Variants in UBA6 observed in about 807,000 individuals in gnomAD.
The protein encoded by UBA6 is ubiquitin-like modifier-activating enzyme 6.
UBA6 carries 87 observed loss-of-function variants against 148.3 expected under a neutral mutation model. The observed-to-expected ratio is 0.59, with a 90% CI of 0.49 to 0.70. The LOEUF is 0.70. Among genes scored for constraint, UBA6 ranks in the 30% least tolerant of loss-of-function variants. UBA6 has a pLI of 0.00. For missense variants in UBA6, 1,186 were observed against 1,241.2 expected (o/e 0.96, Z 0.67); for synonymous variants, 376 against 401.0 (o/e 0.94, Z 0.75).
At chr4:67,637,600 T>G (rs1214587627) in intron 19 of UBA6, among the ~76,000 whole-genome samples, 1 of 108,622 alleles carries the variant, frequency 9.2e-6, no homozygotes, top group Non-Finnish European at 2.0e-5. Flanking sequence ...GAAAAATTCT[T>G]CTGCCTTGGG....
At position 67,632,058 on chromosome 4, in the gene UBA6, CCACCCTT is replaced by C. The variant is rs1410205972; in HGVS notation, c.2143-157_2143-151del. 2.1e-5 allele frequency: 14 copies of C among 681,726 alleles called. No individual in the cohort carries two copies. The African/African-American group carries it at 2.2e-4, about 11-fold the overall frequency. 42.2% of individuals were successfully genotyped at this position (681,726 alleles called of 1,614,324 possible). A position where few individuals can be genotyped will look rare whatever the true frequency, so the allele number is the denominator to read the frequency against. ...AAAGAGACACAGTGAAGTCTCCCTA[CCACCCTT>C]GTATTCCATCTGTCCATTCTCCTGT... On this transcript the variant is annotated intron_variant, in intron 23 of 32. Transcript: ENST00000322244.
intron 2 of UBA6, 97 bp downstream of exon 2, chr4:67,696,548 A>G (rs1012222004): frequency 1.1e-6 from 1 of 899,912 alleles, no homozygotes; most frequent in African/African-American, 1.7e-5. Flanking sequence ...CACACATATA[A>G]TTCTGCATAG....
At position 67,644,718 on chromosome 4, in the gene UBA6, T is replaced by C. The variant is rs1388408686; in HGVS notation, c.1456A>G (p.Thr486Ala). Residue 486 changes from threonine to alanine, a missense_variant, in exon 17 of 33, where the codon ACA becomes GCA. Physicochemically the swap from Thr to Ala is moderately conservative, Grantham distance 58. Coordinates refer to ENST00000322244, the MANE Select transcript of UBA6 (RefSeq NM_018227.6). ...LKNFALLGVG[T>A]SKEKGMITVT... Reference sequence around the variant, plus strand: ...CTTACCATTCCTTTCTCTTTGCTTGTGCCAACACCAAGTAAAGCAAAATTT... The same window carrying C: ...CTTACCATTCCTTTCTCTTTGCTTGCGCCAACACCAAGTAAAGCAAAATTT... The C allele has an allele frequency of 6.2e-7, 1 of 1,603,736 alleles. No homozygotes were observed. Among genetic ancestry groups the C allele is most frequent in the Non-Finnish European group, 8.5e-7 (1 of 1,170,818 alleles).
Position 67,665,271 on chromosome 4 carries a change from C to A in UBA6, c.815G>T (p.Ser272Ile), listed in dbSNP as rs1460661146. ...TTCCAGTTCTGTGGTGTCACCAATACTAAAAGAAAATGGCGATATCACTAG... is the reference window on the plus strand; with the variant it reads ...TTCCAGTTCTGTGGTGTCACCAATAATAAAAGAAAATGGCGATATCACTAG... The part of the protein sequence containing the change: ...QITVISPFSF[S>I]IGDTTELEPY... Residue 272 changes from serine (S) to isoleucine (I), a missense_variant, in exon 10 of 33, where the codon AGT (serine) becomes ATT (isoleucine). Ser to Ile is a moderately radical substitution (Grantham distance 142). Coordinates refer to ENST00000322244, the MANE Select transcript of UBA6 (RefSeq NM_018227.6). The A allele has an allele frequency of 6.3e-7, 1 of 1,599,706 alleles. No individual in the cohort carries two copies. Among genetic ancestry groups the A allele is most frequent in the South Asian group, 1.2e-5 (1 of 86,660 alleles).
At chr4:67,665,608 TAAC>T (rs1378033372) in intron 9 of UBA6, among the ~76,000 whole-genome samples, 1 of 151,604 alleles carries the variant, frequency 6.6e-6, no homozygotes, top group Non-Finnish European at 1.5e-5. Context: ...AATATAATAA[TAAC>T]TACCTATCAT....
At chr4:67,696,764 AC>A in intron 1 of UBA6, 57 bp from the exon 2 acceptor site, 1 of 1,411,710 alleles carries the variant, frequency 7.1e-7, no homozygotes, top group Non-Finnish European at 9.9e-7. Context: ...ATATTTGATT[AC>A]TTGTGTGATC....
intron 1 of UBA6, among the ~76,000 whole-genome samples, chr4:67,698,958 C>CA (rs1730906540): frequency 6.6e-6 from 1 of 151,394 alleles, no homozygotes; most frequent in African/African-American, 2.4e-5. Flanking sequence ...AAGACTCTGT[C>CA]AAAAAACAAA....
Position 67,701,127 on chromosome 4 carries a change from T to A in UBA6, c.-8A>T, listed in dbSNP as rs201491558. 1.2e-6 allele frequency: 2 copies of A among 1,612,060 alleles called. No individual in the cohort carries two copies. The highest frequency in any genetic ancestry group is 2.7e-5 in the African/African-American group (2 of 74,902). On this transcript the variant is annotated 5_prime_UTR_variant, in exon 1 of 33. Transcript: ENST00000322244. ...AGGCTCGGATCCTTCCATTGCCGCC[T>A]GAGACACCGCCGCCGGCTACTGGAA...
Position 67,677,872 on chromosome 4 carries a change from T to G in UBA6, c.354-150A>C, listed in dbSNP as rs370291612. Reference sequence around the variant, plus strand: ...GTAGAAGAAAGAAACCAAAACTTACTTGTCTTTACAGGTAACCATACAATC... The same window carrying G: ...GTAGAAGAAAGAAACCAAAACTTACGTGTCTTTACAGGTAACCATACAATC... On this transcript the variant is annotated intron_variant, in intron 5 of 32. Coordinates refer to ENST00000322244, the MANE Select transcript of UBA6 (RefSeq NM_018227.6). 4.0e-5 allele frequency: 20 copies of G among 502,954 alleles called. No homozygotes were observed. The East Asian group carries it at 4.3e-4, about 11-fold the overall frequency. The allele number at this position is 502,954 out of a possible 1,614,324, so 31.2% of individuals were successfully genotyped here.
chr4:67,638,060 C>G (rs1273418715), intron 19 of UBA6: 1 of 151,920 alleles, frequency 6.6e-6, no homozygotes, highest in Non-Finnish European at 1.5e-5. Context: ...AATGTTAAAG[C>G]AAGAAAAACA....
chr4:67,636,631 T>C (rs900702711), intron 19 of UBA6, among the ~76,000 whole-genome samples: 1 of 152,336 alleles, frequency 6.6e-6, no homozygotes, highest in South Asian at 2.1e-4. Flanking sequence ...TAACAGTGAG[T>C]GATCTGCCAG....
Position 67,617,977 on chromosome 4 carries a change from T to C in UBA6, c.*1020A>G, listed in dbSNP as rs543241624. The stretch of plus-strand genomic sequence containing the variant: ...CAATAAAGACCTTAAAAAATAAATT[T>C]TTATCTTCATTAACTCCCTTTCTGG... On this transcript the variant is annotated 3_prime_UTR_variant, in exon 33 of 33. Transcript: ENST00000322244. The C allele has an allele frequency of 1.6e-3, 241 of 151,734 alleles. 2 individuals are homozygous for C. The highest frequency in any genetic ancestry group is 5.6e-3 in the African/African-American group (232 of 41,428). 9.4% of individuals were successfully genotyped at this position (151,734 alleles called of 1,614,324 possible).
chr4:67,682,230 A>G lies in UBA6; in HGVS notation c.135-17T>C, dbSNP rs1310723512. ...CTCTGTCGACTACACGGAAAACACA[A>G]TAAAAAACAAAAAATTATTTCACTG... is the stretch of plus-strand genomic sequence containing the variant. On this transcript the variant is annotated splice_polypyrimidine_tract_variant and intron_variant, in intron 2 of 32. Coordinates refer to ENST00000322244, the MANE Select transcript of UBA6 (RefSeq NM_018227.6). The G allele has an allele frequency of 1.9e-6, 3 of 1,586,534 alleles. No individual in the cohort carries two copies. The highest frequency in any genetic ancestry group is 3.4e-5 in the Admixed American group (2 of 58,900).
rs111605195 is a variant in UBA6 at position 67,662,343 on chromosome 4, T to C, written c.1038-88A>G. The C allele has an allele frequency of 6.2e-4, 731 of 1,178,406 alleles. 4 individuals carry two copies. The African/African-American group carries it at 0.01, about 16-fold the overall frequency. 73.0% of individuals were successfully genotyped at this position (1,178,406 alleles called of 1,614,324 possible). A position where few individuals can be genotyped will look rare whatever the true frequency, so the allele number is the denominator to read the frequency against. ...ACTCAAAATTAAAATTTAGGAAATA[T>C]ATAAAAGAATGTGGGATTTTTGCCA... is the stretch of plus-strand genomic sequence containing the variant. On this transcript the variant is annotated intron_variant, in intron 12 of 32. Coordinates refer to ENST00000322244, the MANE Select transcript of UBA6 (RefSeq NM_018227.6).
chr4:67,621,078 G>A (rs912387612), intron 32 of UBA6, among the ~76,000 whole-genome samples: 7 of 152,202 alleles, frequency 4.6e-5, no homozygotes, highest in South Asian at 2.1e-4. Flanking sequence ...ATAACCTGCC[G>A]CAAATTTTAA....
chr4:67,667,925 T>G (rs903109483), intron 9 of UBA6, among the ~76,000 whole-genome samples: 1 of 152,192 alleles, frequency 6.6e-6, no homozygotes, highest in Non-Finnish European at 1.5e-5. Flanking sequence ...ATCCCTTTTA[T>G]TCAAGCCACT....
chr4:67,695,377 A>G (rs1471583151), intron 2 of UBA6, among the ~76,000 whole-genome samples: 1 of 152,192 alleles, frequency 6.6e-6, no homozygotes, highest in Non-Finnish European at 1.5e-5. Flanking sequence ...AAAATCTTGA[A>G]ATAGTTGACT....
rs140996878 is a variant in UBA6 at position 67,625,052 on chromosome 4, C to T, written c.2654G>A (p.Arg885His). 1.1e-5 allele frequency: 18 copies of T among 1,612,824 alleles called. No homozygotes were observed. The highest frequency in any genetic ancestry group is 4.5e-5 in the East Asian group (2 of 44,866). Reference sequence around the variant, plus strand: ...AGCAGGTATAATTTTACCAGCTATGCGCTTTGTTTTGAAACGGTCAGCTGG... The same window carrying T: ...AGCAGGTATAATTTTACCAGCTATGTGCTTTGTTTTGAAACGGTCAGCTGG... Reference protein sequence around the residue: ...IEPADRFKTKRIAGKIIPAIA... With the variant: ...IEPADRFKTKHIAGKIIPAIA... The change falls in exon 29 of 33, where the codon CGC becomes CAC. Residue 885 changes from arginine to histidine, a missense_variant. Arg to His is a conservative substitution (Grantham distance 29, BLOSUM62 0). Transcript: ENST00000322244.
chr4:67,683,922 A>T (rs1730499848), intron 2 of UBA6, among the ~76,000 whole-genome samples: 1 of 151,988 alleles, frequency 6.6e-6, no homozygotes, highest in Non-Finnish European at 1.5e-5. Context: ...AAACTACAAA[A>T]ATTAGCAGGA....
Sources: gnomAD v4.1 joint callset for allele counts (sites outside exome capture counted in the v4.1 genomes callset) on GRCh38, gnomAD v4.1.1 for gene constraint, MANE v1.5 for transcripts, NCBI Gene and HGNC (gene_info 2026-07-23, HGNC 2026-07-21) for gene names.